The following SUPT3H variants were observed in gnomAD, a reference collection of about 807,000 sequenced individuals.
The protein encoded by SUPT3H is transcription initiation protein SPT3 homolog.
In SUPT3H, 44 loss-of-function variants were observed where a neutral mutation model predicts 44.3. The observed-to-expected ratio is 0.99, with a 90% confidence interval of 0.78 to 1.28. The LOEUF is 1.28. Ranked by LOEUF, SUPT3H falls within the 50% of genes most tolerant of loss-of-function variation. The pLI is 0.00. For synonymous variants in SUPT3H, 124 were observed against 125.6 expected, an observed-to-expected ratio of 0.99 and a Z score of 0.09; for missense variants, 380 against 387.1, an observed-to-expected ratio of 0.98 and a Z score of 0.15.
chr6:45,074,954 C>T (rs967031302), intron 3 of SUPT3H, among the ~76,000 whole-genome samples: 8 of 151,990 alleles, frequency 5.3e-5, no homozygotes, highest in Admixed American at 3.3e-4. Context: ...CTTCGTGCTA[C>T]AAATTATTTA....
At chr6:44,897,925 T>C (rs1417392761) in intron 10 of SUPT3H, among the ~76,000 whole-genome samples, 1 of 152,246 alleles carries the variant, frequency 6.6e-6, no homozygotes, top group Non-Finnish European at 1.5e-5. Context: ...AATCATACTG[T>C]ATTTTCTTGT....
At chr6:44,812,950 G>A (rs1299022997) in intron 11 of SUPT3H, among the ~76,000 whole-genome samples, 1 of 152,134 alleles carries the variant, frequency 6.6e-6, no homozygotes, top group Admixed American at 6.5e-5. Flanking sequence ...GGGGTGGGGG[G>A]TGAGAGCAGC....
At chr6:44,887,259 C>T (rs1247194232) in intron 10 of SUPT3H, among the ~76,000 whole-genome samples, 1 of 152,132 alleles carries the variant, frequency 6.6e-6, no homozygotes, top group Non-Finnish European at 1.5e-5. Flanking sequence ...AGCTCTGCAC[C>T]AAGCTGACCT....
At chr6:45,182,763 C>G (rs1021999469) in intron 2 of SUPT3H, among the ~76,000 whole-genome samples, 3 of 152,150 alleles carry the variant, frequency 2.0e-5, no homozygotes, top group African/African-American at 7.2e-5. Context: ...AAGCCATACA[C>G]ACAGAAACAC....
intron 2 of SUPT3H, among the ~76,000 whole-genome samples, chr6:45,297,650 A>C: frequency 6.6e-6 from 1 of 152,306 alleles, no homozygotes; most frequent in African/African-American, 2.4e-5. Context: ...AAAACTTAAC[A>C]TATTAACAAA....
At chr6:44,923,807 C>T (rs1423917192) in intron 10 of SUPT3H, among the ~76,000 whole-genome samples, 1 of 152,034 alleles carries the variant, frequency 6.6e-6, no homozygotes, top group Non-Finnish European at 1.5e-5. Context: ...CTTCTCCCCA[C>T]ATCTGCCTGC....
intron 10 of SUPT3H, among the ~76,000 whole-genome samples, chr6:44,886,609 T>C (rs895080842): frequency 1.3e-5 from 2 of 152,020 alleles, no homozygotes; most frequent in Non-Finnish European, 2.9e-5. Flanking sequence ...AAAGAGCTCC[T>C]GAAGGAAGCA....
At chr6:45,207,799 T>C (rs910800170) in intron 2 of SUPT3H, among the ~76,000 whole-genome samples, 30 of 152,186 alleles carry the variant, frequency 2.0e-4, no homozygotes, top group Admixed American at 2.0e-3. Context: ...TTCTGACTAC[T>C]CTACCACCTG....
intron 3 of SUPT3H, among the ~76,000 whole-genome samples, chr6:45,077,626 CA>C (rs70993493): frequency 8.8e-5 from 3 of 34,018 alleles, no homozygotes; most frequent in African/African-American, 1.4e-4. Context: ...GACCTTGTTT[CA>C]AAAAAAAAAA....
At chr6:45,151,400 C>T (rs900250020) in intron 2 of SUPT3H, among the ~76,000 whole-genome samples, 1 of 152,074 alleles carries the variant, frequency 6.6e-6, no homozygotes, top group Non-Finnish European at 1.5e-5. Context: ...CATATACCAC[C>T]ATATATAGCA....
At chr6:44,850,794 A>ATCTG (rs1190825154) in intron 10 of SUPT3H, among the ~76,000 whole-genome samples, 1 of 152,018 alleles carries the variant, frequency 6.6e-6, no homozygotes, top group Non-Finnish European at 1.5e-5. Context: ...CTATCTATCT[A>ATCTG]TAAATGTACC....
intron 2 of SUPT3H, among the ~76,000 whole-genome samples, chr6:45,201,471 T>A (rs1014252488): frequency 3.3e-5 from 5 of 151,790 alleles, no homozygotes; most frequent in Non-Finnish European, 7.4e-5. Flanking sequence ...TTCCCATTTT[T>A]AAAAATAAAT....
chr6:45,096,934 T>C (rs1048254431), intron 3 of SUPT3H, among the ~76,000 whole-genome samples: 1 of 152,066 alleles, frequency 6.6e-6, no homozygotes, highest in Non-Finnish European at 1.5e-5. Flanking sequence ...TAGTCCATAG[T>C]CCCAAAATAA....
chr6:45,090,782 A>G (rs1259273669), intron 3 of SUPT3H, among the ~76,000 whole-genome samples: 4 of 151,922 alleles, frequency 2.6e-5, no homozygotes, highest in Non-Finnish European at 5.9e-5. Flanking sequence ...GATGGGAGTA[A>G]AAGTTAACTA....
intron 10 of SUPT3H, among the ~76,000 whole-genome samples, chr6:44,877,845 T>G (rs544836629): frequency 3.3e-4 from 50 of 152,254 alleles, no homozygotes; most frequent in Non-Finnish European, 6.8e-4. Flanking sequence ...TCGGTGTTTG[T>G]TCTCCAGTTC....
At chr6:44,969,011 T>C (rs942099547) in intron 6 of SUPT3H, among the ~76,000 whole-genome samples, 1 of 152,172 alleles carries the variant, frequency 6.6e-6, no homozygotes, top group African/African-American at 2.4e-5. Context: ...CCCCTCCCCA[T>C]CTTCAGGGTC....
chr6:45,302,534 TATATATATATATATATATATATGC>T lies in SUPT3H; in HGVS notation c.101+62643_101+62666del, dbSNP rs1171000135. On this transcript the variant is annotated intron_variant, in intron 2 of 10. Transcript: ENST00000371459. The stretch of plus-strand genomic sequence containing the variant: ...TCAGGAATATATATATATATATATA[TATATATATATATATATATATATGC>T]ATGCCACAATTTATTTATCTACTTA... 3.1e-5 allele frequency among the ~76,000 whole-genome samples: 4 copies of T among 127,690 alleles called. 1 individual carries two copies. The South Asian group carries it at 8.0e-4, about 25-fold the overall frequency. The allele number at this position is 127,690 out of a possible 152,430, so 83.8% of individuals were successfully genotyped here. A position where few individuals can be genotyped will look rare whatever the true frequency, so the allele number is the denominator to read the frequency against.
intron 9 of SUPT3H, among the ~76,000 whole-genome samples, chr6:44,935,134 C>T (rs999328419): frequency 4.0e-5 from 6 of 151,848 alleles, no homozygotes; most frequent in African/African-American, 9.6e-5. Flanking sequence ...TTGAGTTCTC[C>T]GGAAGGAAGC....
At chr6:45,250,020 A>G (rs939424151) in intron 2 of SUPT3H, among the ~76,000 whole-genome samples, 3 of 152,198 alleles carry the variant, frequency 2.0e-5, no homozygotes, top group East Asian at 1.9e-4. Flanking sequence ...CAAAATCTAC[A>G]GTTAATTCTA....
Sources: gnomAD v4.1 joint callset for allele counts (sites outside exome capture counted in the v4.1 genomes callset) on GRCh38, gnomAD v4.1.1 for gene constraint, MANE v1.5 for transcripts, NCBI Gene and HGNC (gene_info 2026-07-23, HGNC 2026-07-21) for gene names.